Variants in ASXL2 observed in about 807,000 individuals in gnomAD.
The protein encoded by ASXL2 is putative Polycomb group protein ASXL2.
A neutral mutation model predicts 122.0 loss-of-function variants in ASXL2; 23 were observed. The observed-to-expected ratio is 0.19, with a 90% confidence interval of 0.14 to 0.27. The LOEUF (loss-of-function observed/expected upper bound fraction) is 0.27. ASXL2 is among the 10% of genes least tolerant of loss of function. ASXL2 has a pLI of 1.00. For synonymous variants in ASXL2, 650 were observed against 637.0 expected, an observed-to-expected ratio of 1.02 and a Z score of -0.31; for missense variants, 1,518 against 1,713.8, an observed-to-expected ratio of 0.89 and a Z score of 2.02.
At chr2:25,800,142 C>G (rs143764049) in intron 4 of ASXL2, among the ~76,000 whole-genome samples, 1 of 151,846 alleles carries the variant, frequency 6.6e-6, no homozygotes, top group Non-Finnish European at 1.5e-5. Flanking sequence ...AAAAAAAATA[C>G]AAAAATTAGC....
chr2:25,861,832 G>A (rs1199161476), intron 1 of ASXL2, among the ~76,000 whole-genome samples: 3 of 152,158 alleles, frequency 2.0e-5, no homozygotes, highest in Admixed American at 6.5e-5. Flanking sequence ...GCCAGTTTTA[G>A]AAGAAATCAA....
At chr2:25,785,625 C>A (rs1453832664) in intron 5 of ASXL2, among the ~76,000 whole-genome samples, 1 of 152,142 alleles carries the variant, frequency 6.6e-6, no homozygotes, top group Non-Finnish European at 1.5e-5. Flanking sequence ...TGGCTCACTG[C>A]AACCTCCACC....
chr2:25,751,137 C>T (rs2088037285), intron 11 of ASXL2, among the ~76,000 whole-genome samples: 1 of 152,154 alleles, frequency 6.6e-6, no homozygotes, highest in Admixed American at 6.5e-5. Flanking sequence ...ATTAGTGACT[C>T]TTCTTAATGT....
intron 9 of ASXL2, among the ~76,000 whole-genome samples, chr2:25,757,777 T>C (rs1216417899): frequency 6.6e-6 from 1 of 151,000 alleles, no homozygotes; most frequent in Non-Finnish European, 1.5e-5. Context: ...TCTAAAATTG[T>C]ATGTGGCAAT....
intron 1 of ASXL2, among the ~76,000 whole-genome samples, chr2:25,871,265 G>A (rs1359365698): frequency 6.6e-6 from 1 of 152,052 alleles, no homozygotes; most frequent in Non-Finnish European, 1.5e-5. Flanking sequence ...CTTCCACACT[G>A]GCCTCCTTCC....
At chr2:25,863,301 G>A (rs955237908) in intron 1 of ASXL2, among the ~76,000 whole-genome samples, 4 of 150,344 alleles carry the variant, frequency 2.7e-5, no homozygotes, top group African/African-American at 9.8e-5. Flanking sequence ...CTGCACTCCA[G>A]CCTGGCAACA....
intron 5 of ASXL2, among the ~76,000 whole-genome samples, chr2:25,774,631 T>C (rs1022512282): frequency 6.6e-6 from 1 of 152,204 alleles, no homozygotes; most frequent in African/African-American, 2.4e-5. Flanking sequence ...ATGTGAGTGT[T>C]TTTCATCTGG....
chr2:25,740,909 T>C lies in ASXL2; in HGVS notation c.*1120A>G, dbSNP rs1283708422. The C allele has an allele frequency of 5.2e-6, 1 of 192,160 alleles. No homozygotes were observed. The highest frequency in any genetic ancestry group is 8.3e-5 in the East Asian group (1 of 12,042). 11.9% of individuals were successfully genotyped at this position (192,160 alleles called of 1,614,324 possible). On this transcript the variant is annotated 3_prime_UTR_variant, in exon 13 of 13. Coordinates refer to ENST00000435504, the MANE Select transcript of ASXL2 (RefSeq NM_018263.6). ...AGATGCCTGGGAGGTCAAAACAGGT[T>C]GAACAGAATGAACAAATGTGGCATT...
intron 1 of ASXL2, among the ~76,000 whole-genome samples, chr2:25,856,081 G>A (rs1215949781): frequency 1.3e-5 from 2 of 149,768 alleles, no homozygotes; most frequent in Non-Finnish European, 3.0e-5. Flanking sequence ...TTTTTGAGAC[G>A]GAGTCTCACT....
At position 25,867,581 on chromosome 2, in the gene ASXL2, A is replaced by G. The variant is rs972738359; in HGVS notation, c.57+10585T>C. 7.7e-4 allele frequency among the ~76,000 whole-genome samples: 118 copies of G among 152,276 alleles called. 1 individual carries two copies. Among genetic ancestry groups the G allele is most frequent in the African/African-American group, 2.8e-3 (115 of 41,578 alleles). ...CTCCCACCAGTCTTTCCTGCCCTCT[A>G]TAATAAATCCCACAAATGCCCCAAT... On this transcript the variant is annotated intron_variant, in intron 1 of 12. Transcript: ENST00000435504.
chr2:25,762,951 C>A (rs935214105), intron 8 of ASXL2, among the ~76,000 whole-genome samples: 1 of 151,816 alleles, frequency 6.6e-6, no homozygotes, highest in African/African-American at 2.4e-5. Context: ...TTATTAACAT[C>A]GAATGAAAGA....
At chr2:25,857,086 GGGGC>G (rs1360255596) in intron 1 of ASXL2, 11 of 85,120 alleles carry the variant, frequency 1.3e-4, no homozygotes, top group African/African-American at 5.4e-4. Flanking sequence ...ATTTTTGGGG[GGGGC>G]GGGGGGGGGG....
chr2:25,743,728 G>C lies in ASXL2; in HGVS notation c.2609C>G (p.Ala870Gly), dbSNP rs886945237. 1 of 1,613,876 alleles carries C rather than the reference G, an allele frequency of 6.2e-7. No individual in the cohort carries two copies. Among genetic ancestry groups the C allele is most frequent in the African/African-American group, 1.3e-5 (1 of 74,922 alleles). Residue 870 changes from alanine to glycine, a missense_variant, in exon 13 of 13, where the codon GCC becomes GGC. Ala to Gly is a moderately conservative substitution (Grantham distance 60). Coordinates refer to ENST00000435504, the MANE Select transcript of ASXL2 (RefSeq NM_018263.6). ...CACACTAGCATCTGTCTTTGATGAG[G>C]CTGAAGGGTTAGGTATATTCTTACT... The part of the protein sequence containing the change: ...GPSKNIPNPS[A>G]SSKTDASVPV...
chr2:25,822,509 A>G, intron 3 of ASXL2: 1 of 493,066 alleles, frequency 2.0e-6, no homozygotes, highest in Non-Finnish European at 3.9e-6. Flanking sequence ...CGAAGGGACT[A>G]TGTCTTCACT....
At chr2:25,813,167 G>A (rs6758088) in intron 3 of ASXL2, among the ~76,000 whole-genome samples, 41,628 of 152,030 alleles carry the variant, frequency 0.27, 6,004 homozygotes, top group African/African-American at 0.31. Flanking sequence ...AGTAAACTAG[G>A]ATTAGTGGAT....
intron 5 of ASXL2, among the ~76,000 whole-genome samples, chr2:25,781,670 C>CTTTTT (rs34167762): frequency 1.6e-5 from 2 of 121,766 alleles, no homozygotes; most frequent in African/African-American, 3.2e-5. Flanking sequence ...ACACACCTGG[C>CTTTTT]TTTTTTTTTT....
Position 25,742,774 on chromosome 2 carries a change from T to C in ASXL2, c.3563A>G (p.Asp1188Gly). The C allele has an allele frequency of 6.2e-7, 1 of 1,614,012 alleles. No individual in the cohort carries two copies. The highest frequency in any genetic ancestry group is 8.5e-7 in the Non-Finnish European group (1 of 1,179,890). ...EDDTDEESTG[D>G]EQESVTVKEE... ...TTTCACTGTGACAGATTCCTGCTCA[T>C]CACCAGTACTTTCCTCATCAGTGTC... is the stretch of plus-strand genomic sequence containing the variant. The change falls in exon 13 of 13, where the codon GAT (aspartate) becomes GGT (glycine). Residue 1188 changes from aspartate to glycine, a missense_variant. Transcript: ENST00000435504.
chr2:25,756,465 G>GAAAAAAAAAAAAAAA (rs71399321), intron 9 of ASXL2, among the ~76,000 whole-genome samples: 15 of 91,412 alleles, frequency 1.6e-4, no homozygotes, highest in East Asian at 4.5e-4. Flanking sequence ...AAAAAAAAAA[G>GAAAAAAAAAAAAAAA]AAAAAAAAAA....
At chr2:25,773,952 C>T (rs1039101547) in intron 5 of ASXL2, among the ~76,000 whole-genome samples, 4 of 151,896 alleles carry the variant, frequency 2.6e-5, no homozygotes, top group Non-Finnish European at 5.9e-5. Context: ...ATCACTTGAA[C>T]CTGGGAGGCG....
Sources: allele counts gnomAD v4.1 joint callset (sites outside exome capture counted in the v4.1 genomes callset), GRCh38; gene constraint gnomAD v4.1.1; transcripts MANE v1.5; gene names NCBI Gene and HGNC (gene_info 2026-07-23, HGNC 2026-07-21).